GLIPR1L2: variants seen among roughly 807,000 people sequenced by gnomAD.
GLIPR1L2 encodes the protein GLIPR1-like protein 2.
A neutral mutation model predicts 28.4 loss-of-function variants in GLIPR1L2; 21 were observed. The ratio of observed to expected loss-of-function variants is 0.74; its 90% CI spans 0.52 to 1.06. The LOEUF (loss-of-function observed/expected upper bound fraction) is 1.06. GLIPR1L2 is among the 50% of genes least tolerant of loss of function. The probability of loss-of-function intolerance (pLI) is 0.00; values close to 1 mark genes in which losing one functional copy is unlikely to be tolerated. For synonymous variants in GLIPR1L2, 145 were observed against 139.3 expected (o/e 1.04, Z -0.29); for missense variants, 476 against 416.9 (o/e 1.14, Z -1.23).
intron 1 of GLIPR1L2, among the ~76,000 whole-genome samples, chr12:75,401,077 C>T (rs908465264): frequency 1.3e-5 from 2 of 151,426 alleles, no homozygotes; most frequent in African/African-American, 4.9e-5. Context: ...TCCAGATTTA[C>T]AAAAGAGAAG....
At chr12:75,409,648 T>C (rs2045842160) in intron 1 of GLIPR1L2, among the ~76,000 whole-genome samples, 1 of 146,916 alleles carries the variant, frequency 6.8e-6, no homozygotes, top group Admixed American at 6.9e-5. Flanking sequence ...TAGGATCTTA[T>C]ATATATAATA....
At chr12:75,421,881 C>G (rs901289101) in intron 3 of GLIPR1L2, among the ~76,000 whole-genome samples, 1 of 152,108 alleles carries the variant, frequency 6.6e-6, no homozygotes, top group African/African-American at 2.4e-5. Context: ...TTTGTAAACT[C>G]TACAGATACT....
At chr12:75,424,520 A>G (rs2046013582) in intron 4 of GLIPR1L2, among the ~76,000 whole-genome samples, 2 of 152,096 alleles carry the variant, frequency 1.3e-5, no homozygotes, top group African/African-American at 4.8e-5. Flanking sequence ...ATCATAGCTC[A>G]CTGTAACGTC....
At chr12:75,400,267 T>C (rs887198682) in intron 1 of GLIPR1L2, among the ~76,000 whole-genome samples, 5 of 152,052 alleles carry the variant, frequency 3.3e-5, no homozygotes, top group African/African-American at 1.2e-4. Flanking sequence ...TACAGGCACC[T>C]GCCACCACGC....
chr12:75,419,724 T>C (rs1221552498), intron 3 of GLIPR1L2, among the ~76,000 whole-genome samples: 6 of 152,150 alleles, frequency 3.9e-5, no homozygotes, highest in Non-Finnish European at 8.8e-5. Context: ...ATATGTTAAG[T>C]GAAGGGAGGA....
chr12:75,417,411 C>T (rs946271944), intron 3 of GLIPR1L2, among the ~76,000 whole-genome samples: 3 of 152,054 alleles, frequency 2.0e-5, no homozygotes, highest in African/African-American at 7.2e-5. Flanking sequence ...GGACTTTGGG[C>T]CTCCAGAACA....
intron 1 of GLIPR1L2, among the ~76,000 whole-genome samples, chr12:75,407,558 G>C (rs1359040243): frequency 6.6e-6 from 1 of 152,066 alleles, no homozygotes; most frequent in African/African-American, 2.4e-5. Context: ...ATAAATGTCA[G>C]GGAAAATTGT....
intron 1 of GLIPR1L2, among the ~76,000 whole-genome samples, chr12:75,395,991 A>T (rs34120363): frequency 0.18 from 26,830 of 151,290 alleles, 2,602 homozygotes; most frequent in Admixed American, 0.24. Context: ...TCATCTTTTT[A>T]AAAAAAATGT....
intron 1 of GLIPR1L2, among the ~76,000 whole-genome samples, chr12:75,397,165 T>A (rs767715475): frequency 2.0e-5 from 3 of 152,132 alleles, no homozygotes; most frequent in Non-Finnish European, 4.4e-5. Flanking sequence ...TCCTTCAGAG[T>A]CATTGCTTTA....
chr12:75,395,972 T>C (rs1191060467), intron 1 of GLIPR1L2, among the ~76,000 whole-genome samples: 1 of 152,172 alleles, frequency 6.6e-6, no homozygotes, highest in Non-Finnish European at 1.5e-5. Flanking sequence ...GTTGTTGATT[T>C]GGAGTCTTTC....
At chr12:75,395,043 A>G (rs2045668984) in intron 1 of GLIPR1L2, among the ~76,000 whole-genome samples, 1 of 151,876 alleles carries the variant, frequency 6.6e-6, no homozygotes, top group African/African-American at 2.4e-5. Flanking sequence ...CAGATTGTTT[A>G]TTATTAACAT....
intron 3 of GLIPR1L2, among the ~76,000 whole-genome samples, chr12:75,414,288 G>C (rs2045902757): frequency 6.6e-6 from 1 of 151,956 alleles, no homozygotes; most frequent in Non-Finnish European, 1.5e-5. Context: ...CATTTCTTGA[G>C]AGCTCTTTTG....
At chr12:75,410,103 G>T (rs1258973887) in intron 1 of GLIPR1L2, among the ~76,000 whole-genome samples, 1 of 151,556 alleles carries the variant, frequency 6.6e-6, no homozygotes, top group African/African-American at 2.4e-5. Flanking sequence ...GTACAAAAAG[G>T]CATGAGTTTA....
At position 75,410,663 on chromosome 12, in the gene GLIPR1L2, G is replaced by A. The variant is rs772888636; in HGVS notation, c.464G>A (p.Cys155Tyr). 1 of 1,603,272 alleles carries A rather than the reference G, an allele frequency of 6.2e-7. No individual in the cohort carries two copies. The highest frequency in any genetic ancestry group is 2.2e-5 in the East Asian group (1 of 44,660). ...NFENGSCSGDCSNYIQLVWDH... is the reference protein window; with the variant it reads ...NFENGSCSGDYSNYIQLVWDH... ...GAAAATGGCAGTTGCTCTGGAGACT[G>A]TTCTAATTATATTCAGGTATGTAAT... Residue 155 changes from cysteine (C) to tyrosine (Y), a missense_variant, in exon 2 of 6, where the codon TGT becomes TAT. Transcript: ENST00000550916.
chr12:75,391,424 G>C (rs543971189), intron 1 of GLIPR1L2, 74 bp downstream of exon 1: 4 of 1,600,582 alleles, frequency 2.5e-6, no homozygotes, highest in African/African-American at 2.7e-5. Flanking sequence ...CGGGTAGTTG[G>C]GGCCACTGCT....
intron 2 of GLIPR1L2, among the ~76,000 whole-genome samples, chr12:75,411,659 A>T (rs987419967): frequency 2.6e-5 from 4 of 151,802 alleles, no homozygotes; most frequent in African/African-American, 9.7e-5. Flanking sequence ...AGTCTCCTAG[A>T]CCTTTTCGTT....
chr12:75,412,303 C>T (rs1594016224), intron 2 of GLIPR1L2, among the ~76,000 whole-genome samples: 1 of 151,896 alleles, frequency 6.6e-6, no homozygotes, highest in Non-Finnish European at 1.5e-5. Flanking sequence ...TCTGGATCAA[C>T]CGTGTTCTCA....
chr12:75,412,916 T>C (rs943872900), intron 2 of GLIPR1L2, among the ~76,000 whole-genome samples: 5 of 152,020 alleles, frequency 3.3e-5, no homozygotes, highest in Non-Finnish European at 7.4e-5. Context: ...TGTGGCACTA[T>C]TCACAATAGC....
At chr12:75,430,793 A>G (rs1225934800) in intron 5 of GLIPR1L2, 31 bp from the exon 6 acceptor site, 1 of 1,532,882 alleles carries the variant, frequency 6.5e-7, no homozygotes, top group Non-Finnish European at 8.7e-7. Flanking sequence ...TTTATATGAA[A>G]TCCAGCTTTC....
Sources: allele counts gnomAD v4.1 joint callset (sites outside exome capture counted in the v4.1 genomes callset), GRCh38; gene constraint gnomAD v4.1.1; transcripts MANE v1.5; gene names NCBI Gene and HGNC (gene_info 2026-07-23, HGNC 2026-07-21).